The following PITPNM3 variants were observed in gnomAD, a reference collection of about 807,000 sequenced individuals.
The protein encoded by PITPNM3 is membrane-associated phosphatidylinositol transfer protein 3.
PITPNM3 carries 26 observed loss-of-function variants against 102.0 expected under a neutral mutation model. The observed-to-expected ratio is 0.25, with a 90% CI of 0.19 to 0.35. The LOEUF is 0.35. Among genes scored for constraint, PITPNM3 ranks in the 10% least tolerant of loss-of-function variants. The probability of loss-of-function intolerance (pLI) is 1.00; values close to 1 mark genes in which losing one functional copy is unlikely to be tolerated. For synonymous variants in PITPNM3, 578 were observed against 558.6 expected (o/e 1.03, Z -0.49); for missense variants, 1,083 against 1,346.1 (o/e 0.80, Z 3.06).
At chr17:6,545,424 C>T (rs2150675169) in intron 1 of PITPNM3, among the ~76,000 whole-genome samples, 1 of 152,258 alleles carries the variant, frequency 6.6e-6, no homozygotes, top group African/African-American at 2.4e-5. Flanking sequence ...GAAATGCTTG[C>T]CCCTGCCCAC....
chr17:6,522,640 G>A (rs949374470), intron 3 of PITPNM3, among the ~76,000 whole-genome samples: 8 of 152,192 alleles, frequency 5.3e-5, no homozygotes, highest in African/African-American at 1.4e-4. Flanking sequence ...CCAGCATGAG[G>A]CAGGGGAGGG....
At chr17:6,474,240 C>T (rs973061413) in intron 10 of PITPNM3, among the ~76,000 whole-genome samples, 192 bp downstream of exon 10, 7 of 152,148 alleles carry the variant, frequency 4.6e-5, no homozygotes, top group South Asian at 4.1e-4. Flanking sequence ...GCCTCACCTT[C>T]GCCCTGTGTC....
chr17:6,463,629 C>T (rs372680408), intron 17 of PITPNM3, 103 bp downstream of exon 17: 44 of 1,472,418 alleles, frequency 3.0e-5, no homozygotes, highest in Non-Finnish European at 3.7e-5. Flanking sequence ...CCCCAGAGAC[C>T]GGTAGAATTC....
intron 3 of PITPNM3, among the ~76,000 whole-genome samples, chr17:6,514,488 A>T (rs1908040748): frequency 6.6e-6 from 1 of 152,238 alleles, no homozygotes; most frequent in South Asian, 2.1e-4. Flanking sequence ...AACGATGAAT[A>T]AGCACACGAA....
intron 2 of PITPNM3, among the ~76,000 whole-genome samples, chr17:6,531,080 C>G (rs1909120089): frequency 6.6e-6 from 1 of 152,184 alleles, no homozygotes; most frequent in East Asian, 1.9e-4. Context: ...TTCATGAAAC[C>G]ACCTCTGTTT....
chr17:6,555,107 T>C (rs354995), intron 1 of PITPNM3, among the ~76,000 whole-genome samples: 55,691 of 151,936 alleles, frequency 0.37, 10,364 homozygotes, highest in Middle Eastern at 0.45. Context: ...CTTTTTCAGC[T>C]TCCTTGGTGT....
intron 3 of PITPNM3, among the ~76,000 whole-genome samples, chr17:6,510,712 C>G (rs1907820206): frequency 6.6e-6 from 1 of 152,248 alleles, no homozygotes; most frequent in Admixed American, 6.5e-5. Context: ...AAGGGACACA[C>G]CCAGAAAAGC....
intron 3 of PITPNM3, among the ~76,000 whole-genome samples, chr17:6,521,975 C>G (rs1042023610): frequency 6.6e-6 from 1 of 152,174 alleles, no homozygotes; most frequent in African/African-American, 2.4e-5. Flanking sequence ...AGAAACCATT[C>G]ACAGACAGTG....
intron 19 of PITPNM3, 97 bp from the exon 20 acceptor site, chr17:6,455,740 G>GGAAGAGGGGA (rs1914083844): frequency 2.6e-5 from 2 of 78,290 alleles, no homozygotes; most frequent in African/African-American, 4.6e-5. Flanking sequence ...GAGGGGAGGG[G>GGAAGAGGGGA]AGGGAGAAGA....
At position 6,478,223 on chromosome 17, in the gene PITPNM3, GC is replaced by G; in HGVS notation, c.778-127del. ...CTCGTCCTTGGGAGGTGTTGAGAGA[GC>G]CCAACTGGGAAGCAGTGTGCAAACT... On this transcript the variant is annotated intron_variant, in intron 7 of 19. Coordinates refer to ENST00000262483, the MANE Select transcript of PITPNM3 (RefSeq NM_031220.4). This position sits in a 1 kb window ranked among gnomAD's most constrained non-coding sequence, Gnocchi z 4.4. 1 of 1,482,138 alleles carries G rather than the reference GC, an allele frequency of 6.7e-7. No homozygotes were observed. The highest frequency in any genetic ancestry group is 9.1e-7 in the Non-Finnish European group (1 of 1,095,182). 91.8% of individuals were successfully genotyped at this position (1,482,138 alleles called of 1,614,324 possible). A position where few individuals can be genotyped will look rare whatever the true frequency, so the allele number is the denominator to read the frequency against.
rs1905216497 is a variant in PITPNM3 at position 6,474,596 on chromosome 17, G to A, written c.1094C>T (p.Ser365Phe). 2 of 1,566,966 alleles carry A rather than the reference G, an allele frequency of 1.3e-6. No individual in the cohort carries two copies. The highest frequency in any genetic ancestry group is 1.7e-6 in the Non-Finnish European group (2 of 1,156,582). Reference protein sequence around the residue: ...QHHAFLSSIHSSVLKDESETP... With the variant: ...QHHAFLSSIHFSVLKDESETP... ...CTCAGACTCATCCTTTAGCACGCTG[G>A]AGTGGATGCTGCGGAGGGAGGAGGA... The change falls in exon 10 of 20, where the codon TCC becomes TTC. Residue 365 changes from serine to phenylalanine, a missense_variant. Ser to Phe is a radical substitution (Grantham distance 155). Around this residue, in one of 5 missense-constraint regions of PITPNM3, gnomAD observed 172 missense variants for 175.6 expected, o/e 0.98. Transcript: ENST00000262483.
intron 3 of PITPNM3, among the ~76,000 whole-genome samples, chr17:6,509,916 C>A (rs1054438376): frequency 3.9e-5 from 6 of 152,186 alleles, no homozygotes; most frequent in African/African-American, 1.4e-4. Flanking sequence ...TCAAGGCCTT[C>A]ATCTCCAGCT....
rs1215695350 is a variant in PITPNM3 at position 6,461,435 on chromosome 17, C to A, written c.2428G>T (p.Asp810Tyr). The change falls in exon 18 of 20, where the codon GAT becomes TAT. Residue 810 changes from aspartate to tyrosine, a missense_variant. Coordinates refer to ENST00000262483, the MANE Select transcript of PITPNM3 (RefSeq NM_031220.4). ...NFPQGMIFFSDGLVHDPLRQK... is the reference protein window; with the variant it reads ...NFPQGMIFFSYGLVHDPLRQK... ...CGCAGCGGGTCATGCACCAGCCCAT[C>A]GGAGAAGAAGATCATGCCCTGTGGG... 6.2e-7 allele frequency: 1 copy of A among 1,614,146 alleles called. No individual in the cohort carries two copies. The highest frequency in any genetic ancestry group is 8.5e-7 in the Non-Finnish European group (1 of 1,180,036).
intron 2 of PITPNM3, among the ~76,000 whole-genome samples, chr17:6,532,962 G>GTTATTA (rs370929138): frequency 6.6e-6 from 1 of 151,996 alleles, no homozygotes; most frequent in Non-Finnish European, 1.5e-5. Context: ...ATCTTGGTAA[G>GTTATTA]TTATTATTAT....
In PITPNM3 at chr17:6,457,540, C is replaced by A; in HGVS notation, c.2619+54G>T. On this transcript the variant is annotated intron_variant, in intron 19 of 19. Transcript: ENST00000262483. This position sits in a 1 kb window ranked among gnomAD's most constrained non-coding sequence, Gnocchi z 4.7. ...TGAATGAAGTGCTTACTCCCTCTAT[C>A]CCTTTCCCTGACCTCCCTCACAACT... 6.2e-7 allele frequency: 1 copy of A among 1,611,380 alleles called. No homozygotes were observed.
Position 6,478,423 on chromosome 17 carries a change from C to T in PITPNM3, c.777+124G>A. ...GCTAACTCAGAGATCTCAAAAGCCA[C>T]CTTTGGGCTCAGAGGCTGATTCGAG... On this transcript the variant is annotated intron_variant, in intron 7 of 19. Coordinates refer to ENST00000262483, the MANE Select transcript of PITPNM3 (RefSeq NM_031220.4). This position sits in a 1 kb window ranked among gnomAD's most constrained non-coding sequence, Gnocchi z 4.4. 2 of 1,281,408 alleles carry T rather than the reference C, an allele frequency of 1.6e-6. No individual in the cohort carries two copies. The highest frequency in any genetic ancestry group is 2.5e-5 in the South Asian group (2 of 79,250). 79.4% of individuals were successfully genotyped at this position (1,281,408 alleles called of 1,614,324 possible).
chr17:6,475,503 G>C (rs186567443), intron 9 of PITPNM3, among the ~76,000 whole-genome samples: 4 of 152,198 alleles, frequency 2.6e-5, no homozygotes, highest in Non-Finnish European at 5.9e-5. Context: ...ATGTGGACAA[G>C]TGCCCCACCC....
intron 4 of PITPNM3, among the ~76,000 whole-genome samples, chr17:6,502,686 A>G (rs1013926124): frequency 5.3e-5 from 8 of 152,286 alleles, no homozygotes; most frequent in African/African-American, 1.7e-4. Context: ...AGGAGAGAGA[A>G]GTCAGGAAAG....
At chr17:6,547,334 T>C (rs1413929780) in intron 1 of PITPNM3, among the ~76,000 whole-genome samples, 1 of 152,236 alleles carries the variant, frequency 6.6e-6, no homozygotes, top group Non-Finnish European at 1.5e-5. Context: ...ATTTAGGAGA[T>C]AATTAGTGAT....
Sources: allele counts gnomAD v4.1 joint callset (sites outside exome capture counted in the v4.1 genomes callset), GRCh38; gene constraint gnomAD v4.1.1; regional missense constraint gnomAD v4.1.1; non-coding constraint Gnocchi (gnomAD v3.1); transcripts MANE v1.5; gene names NCBI Gene and HGNC (gene_info 2026-07-23, HGNC 2026-07-21).